Variants in AQP8 observed in about 807,000 individuals in gnomAD.
AQP8 encodes the protein aquaporin-8.
In AQP8, 14 loss-of-function variants were observed where a neutral mutation model predicts 26.1. That is an observed-to-expected ratio of 0.54 (90% CI 0.35 to 0.84). The LOEUF is 0.84. Among genes scored for constraint, AQP8 ranks in the 40% least tolerant of loss-of-function variants. The pLI is 0.01. For missense variants in AQP8, 301 were observed against 340.5 expected, an observed-to-expected ratio of 0.88 and a Z score of 0.91; for synonymous variants, 131 against 150.7, an observed-to-expected ratio of 0.87 and a Z score of 0.96.
chr16:25,217,193 G>A lies in AQP8; in HGVS notation c.13-5G>A, dbSNP rs2287800. The A allele has an allele frequency of 1.1e-3, 1,804 of 1,613,882 alleles. 13 individuals carry two copies. The highest frequency in any genetic ancestry group is 9.8e-3 in the East Asian group (438 of 44,878). The stretch of plus-strand genomic sequence containing the variant: ...GTGTCCTCTGTCCCTTTTTCCCTAC[G>A]GCAGATAGCCATGTGTGAGCCTGAA... On this transcript the variant is annotated splice_region_variant and splice_polypyrimidine_tract_variant and intron_variant, in intron 1 of 5. Transcript: ENST00000219660.
chr16:25,222,496 C>G (rs150759905), intron 3 of AQP8, among the ~76,000 whole-genome samples: 1 of 152,124 alleles, frequency 6.6e-6, no homozygotes, highest in South Asian at 2.1e-4. Context: ...CATGAGCCAC[C>G]GAGCCTGGCC....
At chr16:25,225,472 C>CT (rs34470670) in intron 4 of AQP8, among the ~76,000 whole-genome samples, 54,812 of 141,782 alleles carry the variant, frequency 0.39, 11,023 homozygotes, top group East Asian at 0.53. Context: ...CTTACAAGCC[C>CT]TTTTTTTTTT....
chr16:25,221,618 C>T (rs747080191), intron 3 of AQP8, 35 bp downstream of exon 3: 2 of 1,612,216 alleles, frequency 1.2e-6, no homozygotes, highest in African/African-American at 1.3e-5. Context: ...TAGTCTTCCT[C>T]TCTGATGGGG....
intron 2 of AQP8, 127 bp downstream of exon 2, chr16:25,217,572 T>TG: frequency 7.4e-7 from 1 of 1,343,100 alleles, no homozygotes; most frequent in Non-Finnish European, 1.0e-6. Context: ...TGGATAACTA[T>TG]GGGGTTGGGA....
At chr16:25,223,282 C>T (rs28669703) in intron 3 of AQP8, among the ~76,000 whole-genome samples, 16 of 152,360 alleles carry the variant, frequency 1.1e-4, no homozygotes, top group African/African-American at 3.8e-4. Context: ...GCCCTGAGGC[C>T]GATCGCCCAT....
At chr16:25,217,142 T>A (rs375482674) in intron 1 of AQP8, 56 bp from the exon 2 acceptor site, 4 of 1,613,128 alleles carry the variant, frequency 2.5e-6, no homozygotes, top group Non-Finnish European at 3.4e-6. Context: ...GTCGGGGCCT[T>A]CTATATCTGG....
In AQP8 at chr16:25,219,842, A is replaced by G. The variant is rs960564418; in HGVS notation, c.261-1615A>G. ...ACCTGAGGTCAGGAGTTCGAGACCA[A>G]CCTGGCCAACATGGTGAAACCCCGT... On this transcript the variant is annotated intron_variant, in intron 2 of 5. Coordinates refer to ENST00000219660, the MANE Select transcript of AQP8 (RefSeq NM_001169.3). 7.9e-3 allele frequency among the ~76,000 whole-genome samples: 1,142 copies of G among 144,986 alleles called. 16 individuals are homozygous for G. Among genetic ancestry groups the G allele is most frequent in the African/African-American group, 0.011 (423 of 38,664 alleles).
rs765057451 is a variant in AQP8 at position 25,224,463 on chromosome 16, C to T, written c.489C>T (p.Ile163=). Residue 163 remains isoleucine, a synonymous_variant, in exon 4 of 6, where the codon ATC becomes ATT. Transcript: ENST00000219660. ...CAGGGGCGTTGGTGGCAGAGATCAT[C>T]CTGACGACGCTGCTGGCCCTGGCTG... ...QVAGALVAEI[I]LTTLLALAVC... 2 of 1,614,148 alleles carry T rather than the reference C, an allele frequency of 1.2e-6. No individual in the cohort carries two copies. Among genetic ancestry groups the T allele is most frequent in the African/African-American group, 1.3e-5 (1 of 75,046 alleles).
chr16:25,217,769 C>T lies in AQP8; in HGVS notation c.260+324C>T, dbSNP rs557192776. Among the ~76,000 whole-genome samples, 205 of 152,346 alleles carry T rather than the reference C, an allele frequency of 1.3e-3. 1 individual carries two copies. Among genetic ancestry groups the T allele is most frequent in the Non-Finnish European group, 2.2e-3 (153 of 68,036 alleles). On this transcript the variant is annotated intron_variant, in intron 2 of 5. Coordinates refer to ENST00000219660, the MANE Select transcript of AQP8 (RefSeq NM_001169.3). ...TCTTGAACTCCTGGTCTCAAGCGATCCTCCTGCCTTGGCTTCCCAAAGTTT... is the reference window on the plus strand; with the variant it reads ...TCTTGAACTCCTGGTCTCAAGCGATTCTCCTGCCTTGGCTTCCCAAAGTTT...
rs1173132427 is a variant in AQP8, at chr16:25,228,722, G to A, written c.*230G>A. The A allele has an allele frequency of 1.9e-5, 10 of 525,762 alleles. No homozygotes were observed. The highest frequency in any genetic ancestry group is 5.1e-4 in the Middle Eastern group (1 of 1,954). 32.6% of individuals were successfully genotyped at this position (525,762 alleles called of 1,614,324 possible). On this transcript the variant is annotated 3_prime_UTR_variant, in exon 6 of 6. Transcript: ENST00000219660. ...CCCCAGCCTGGGGAACACGCTGCCCGCACTGCCCAGAGAGCAGTGCAAACA... is the reference window on the plus strand; with the variant it reads ...CCCCAGCCTGGGGAACACGCTGCCCACACTGCCCAGAGAGCAGTGCAAACA...
At chr16:25,225,827 A>G (rs910852034) in intron 4 of AQP8, among the ~76,000 whole-genome samples, 3 of 152,308 alleles carry the variant, frequency 2.0e-5, no homozygotes, top group East Asian at 1.9e-4. Context: ...CACCTGGGGA[A>G]GAGTCTCCCT....
At chr16:25,220,034 C>CAA (rs112532302) in intron 2 of AQP8, among the ~76,000 whole-genome samples, 5 of 136,338 alleles carry the variant, frequency 3.7e-5, no homozygotes, top group Admixed American at 1.5e-4. Context: ...GACCCTGTCT[C>CAA]AAAAAAAAAA....
intron 3 of AQP8, among the ~76,000 whole-genome samples, chr16:25,222,092 G>A (rs1158420093): frequency 1.3e-5 from 2 of 151,272 alleles, no homozygotes; most frequent in African/African-American, 2.4e-5. Context: ...TAGAGATAGG[G>A]TCTCACTCTG....
intron 5 of AQP8, 148 bp from the exon 6 acceptor site, chr16:25,228,296 C>A: frequency 3.1e-6 from 2 of 642,406 alleles, no homozygotes; most frequent in Admixed American, 2.9e-5. Flanking sequence ...AAGCAGGAAA[C>A]TGTCTCTCTC....
chr16:25,226,025 G>A (rs1962628547), intron 4 of AQP8, among the ~76,000 whole-genome samples: 1 of 152,138 alleles, frequency 6.6e-6, no homozygotes, highest in Non-Finnish European at 1.5e-5. Flanking sequence ...GGTTCATGGA[G>A]GTTCCCACAC....
chr16:25,224,363 C>T lies in AQP8; in HGVS notation c.389C>T (p.Ala130Val), dbSNP rs1268579243. The change falls in exon 4 of 6, where the codon GCG becomes GTG. Residue 130 changes from alanine (A) to valine (V), a missense_variant and splice_region_variant. Physicochemically the swap from Ala to Val is moderately conservative, Grantham distance 64. Coordinates refer to ENST00000219660, the MANE Select transcript of AQP8 (RefSeq NM_001169.3). ...GGMLGAALAKAVSPEERFWNA... is the reference protein window; with the variant it reads ...GGMLGAALAKVVSPEERFWNA... Reference sequence around the variant, plus strand: ...AGGCTCAGCAGCTTCTCTGTGCAGGCGGTGAGTCCTGAGGAGAGGTTCTGG... The same window carrying T: ...AGGCTCAGCAGCTTCTCTGTGCAGGTGGTGAGTCCTGAGGAGAGGTTCTGG... The T allele has an allele frequency of 5.6e-6, 9 of 1,609,904 alleles. No homozygotes were observed. The highest frequency in any genetic ancestry group is 1.8e-4 in the Middle Eastern group (1 of 5,470).
chr16:25,219,637 C>T (rs1172010583), intron 2 of AQP8, among the ~76,000 whole-genome samples: 1 of 151,452 alleles, frequency 6.6e-6, no homozygotes, highest in Non-Finnish European at 1.5e-5. Flanking sequence ...ACCCTGACTT[C>T]ATCTGTGTAT....
intron 5 of AQP8, 68 bp downstream of exon 5, chr16:25,227,270 G>A: frequency 6.3e-7 from 1 of 1,595,550 alleles, no homozygotes; most frequent in Non-Finnish European, 8.6e-7. Flanking sequence ...AGAGAGTCCG[G>A]GACTAGAGGG....
At chr16:25,224,296 C>A in intron 3 of AQP8, 66 bp from the exon 4 acceptor site, 5 of 1,480,688 alleles carry the variant, frequency 3.4e-6, no homozygotes, top group East Asian at 2.3e-5. Flanking sequence ...GTTTTTTAGG[C>A]CCTCTCCCCT....
Sources: allele counts gnomAD v4.1 joint callset (sites outside exome capture counted in the v4.1 genomes callset), GRCh38; gene constraint gnomAD v4.1.1; transcripts MANE v1.5; gene names NCBI Gene and HGNC (gene_info 2026-07-23, HGNC 2026-07-21).